The following LRP1B variants were observed in gnomAD, a reference collection of about 807,000 sequenced individuals.
LRP1B encodes LDL receptor related protein 1B.
In LRP1B, 217 loss-of-function variants were observed where a neutral mutation model predicts 556.6. That is an observed-to-expected ratio of 0.39 (90% CI 0.35 to 0.44). LRP1B has a LOEUF of 0.44. LRP1B is among the 20% of genes least tolerant of loss of function. The pLI, the probability that LRP1B is intolerant of heterozygous loss-of-function variation, is 1.00. For synonymous variants in LRP1B, 2,047 were observed against 1,865.8 expected (o/e 1.10, Z -2.50); for missense variants, 5,053 against 5,620.8 (o/e 0.90, Z 3.23).
intron 5 of LRP1B, among the ~76,000 whole-genome samples, chr2:141,234,399 CAG>C (rs1217766737): frequency 6.6e-6 from 1 of 151,722 alleles, no homozygotes; most frequent in African/African-American, 2.4e-5. Context: ...TTTTTTGAGA[CAG>C]AGTCTTGCTC....
intron 3 of LRP1B, among the ~76,000 whole-genome samples, chr2:141,351,343 T>C (rs142131165): frequency 0.012 from 1,780 of 152,168 alleles, 24 homozygotes; most frequent in Middle Eastern, 0.02. Flanking sequence ...GAAACTACTC[T>C]TCAACACCTT....
At chr2:140,630,669 GA>G (rs775656108) in intron 41 of LRP1B, among the ~76,000 whole-genome samples, 1 of 151,602 alleles carries the variant, frequency 6.6e-6, no homozygotes, top group African/African-American at 2.4e-5. Flanking sequence ...GAAGAATTAA[GA>G]AAAAAAACCC....
chr2:140,937,102 A>G (rs1217669761), intron 20 of LRP1B, among the ~76,000 whole-genome samples: 1 of 152,188 alleles, frequency 6.6e-6, no homozygotes, highest in African/African-American at 2.4e-5. Context: ...GCTATAGAAT[A>G]TACACAAAAA....
chr2:141,428,800 A>G (rs773064759), intron 3 of LRP1B, among the ~76,000 whole-genome samples: 3 of 152,200 alleles, frequency 2.0e-5, no homozygotes, highest in Non-Finnish European at 4.4e-5. Flanking sequence ...TTTGATTATT[A>G]GAAAGGTTCT....
chr2:141,364,427 CATAT>C (rs369856368), intron 3 of LRP1B, among the ~76,000 whole-genome samples: 1 of 134,892 alleles, frequency 7.4e-6, no homozygotes, highest in Non-Finnish European at 1.6e-5. Context: ...CACACACACA[CATAT>C]ATATATTTGT....
chr2:141,081,413 A>G (rs994473738), intron 7 of LRP1B, among the ~76,000 whole-genome samples: 1 of 152,202 alleles, frequency 6.6e-6, no homozygotes, highest in Admixed American at 6.5e-5. Flanking sequence ...TGCAGTGTTT[A>G]GCATGTAGAA....
At chr2:141,326,437 C>T (rs566078483) in intron 3 of LRP1B, among the ~76,000 whole-genome samples, 58 of 151,400 alleles carry the variant, frequency 3.8e-4, no homozygotes, top group African/African-American at 5.8e-4. Context: ...AGCATGGCCA[C>T]GGAAAGAAAG....
At chr2:140,971,524 A>C (rs1225504507) in intron 18 of LRP1B, among the ~76,000 whole-genome samples, 1 of 152,182 alleles carries the variant, frequency 6.6e-6, no homozygotes, top group Non-Finnish European at 1.5e-5. Context: ...CACAGTTTAC[A>C]TTCTCTGATC....
At chr2:141,340,122 G>A (rs1521111) in intron 3 of LRP1B, among the ~76,000 whole-genome samples, 91,668 of 152,060 alleles carry the variant, frequency 0.6, 28,512 homozygotes, top group African/African-American at 0.68. Context: ...AGTTTTGTGA[G>A]TAACTAAATT....
chr2:140,659,098 GTTTTTTTTTTTTTTT>G (rs59651364), intron 41 of LRP1B, among the ~76,000 whole-genome samples: 1 of 61,144 alleles, frequency 1.6e-5, no homozygotes, highest in Non-Finnish European at 2.8e-5. Context: ...CTGTAAATCT[GTTTTTTTTTTTTTTT>G]TTTTTTTTTT....
At chr2:140,890,676 G>A (rs186940616) in intron 23 of LRP1B, among the ~76,000 whole-genome samples, 2 of 152,034 alleles carry the variant, frequency 1.3e-5, no homozygotes, top group Admixed American at 6.5e-5. Flanking sequence ...TCTCCCTCAA[G>A]TGCCTCTAAA....
chr2:141,465,857 T>A (rs1682172946), intron 3 of LRP1B, among the ~76,000 whole-genome samples: 1 of 149,648 alleles, frequency 6.7e-6, no homozygotes, highest in Admixed American at 6.6e-5. Flanking sequence ...ATAGCATGAC[T>A]TTTATACCTC....
At chr2:140,897,370 T>C (rs1458623746) in intron 23 of LRP1B, among the ~76,000 whole-genome samples, 1 of 152,156 alleles carries the variant, frequency 6.6e-6, no homozygotes, top group African/African-American at 2.4e-5. Context: ...ATAACCTGTC[T>C]TTCCCAGAGC....
chr2:140,985,327 A>C (rs1445807485), intron 17 of LRP1B, among the ~76,000 whole-genome samples: 2 of 151,226 alleles, frequency 1.3e-5, no homozygotes, highest in Non-Finnish European at 2.9e-5. Context: ...AGAAAAGTCT[A>C]ATTTTTAAAT....
chr2:140,303,415 T>A (rs1683928437), intron 83 of LRP1B, among the ~76,000 whole-genome samples: 1 of 151,652 alleles, frequency 6.6e-6, no homozygotes, highest in Admixed American at 6.6e-5. Context: ...GCCTGGCTAT[T>A]TTTTTGTATT....
intron 7 of LRP1B, among the ~76,000 whole-genome samples, chr2:141,066,525 AT>A (rs890241518): frequency 2.6e-5 from 4 of 151,804 alleles, no homozygotes; most frequent in South Asian, 2.1e-4. Context: ...TAAAGCATGC[AT>A]TTTTTTTAGC....
intron 1 of LRP1B, among the ~76,000 whole-genome samples, chr2:141,972,587 CA>C (rs58540950): frequency 0.62 from 88,722 of 143,888 alleles, 26,866 homozygotes; most frequent in Middle Eastern, 0.7. Context: ...AATGCAGGTG[CA>C]AAAAAAAAAA....
At chr2:140,657,632 T>TATATATACATAC (rs1405541548) in intron 41 of LRP1B, among the ~76,000 whole-genome samples, 1 of 145,430 alleles carries the variant, frequency 6.9e-6, no homozygotes, top group Non-Finnish European at 1.5e-5. Context: ...TATACATACA[T>TATATATACATAC]ATATATACAT....
chr2:141,206,958 A>G (rs1342053251), intron 6 of LRP1B, among the ~76,000 whole-genome samples: 2 of 152,218 alleles, frequency 1.3e-5, no homozygotes, highest in African/African-American at 4.8e-5. Flanking sequence ...GCTTCAGCAC[A>G]AGCCCTTCTA....
Sources: gnomAD v4.1 joint callset for allele counts (sites outside exome capture counted in the v4.1 genomes callset) on GRCh38, gnomAD v4.1.1 for gene constraint, MANE v1.5 for transcripts, NCBI Gene and HGNC (gene_info 2026-07-23, HGNC 2026-07-21) for gene names.